TAS1R2: variants seen among roughly 807,000 people sequenced by gnomAD.
TAS1R2 encodes the protein taste receptor type 1 member 2.
TAS1R2 carries 47 observed loss-of-function variants against 49.3 expected under a neutral mutation model. The observed-to-expected ratio is 0.95, with a 90% CI of 0.75 to 1.22. The LOEUF (loss-of-function observed/expected upper bound fraction) is 1.22, where lower values mean the gene tolerates loss of function less well. TAS1R2 is among the 50% of genes most tolerant of loss of function. The probability of loss-of-function intolerance (pLI) is 0.00; values close to 1 mark genes in which losing one functional copy is unlikely to be tolerated. For synonymous variants in TAS1R2, 479 were observed against 467.9 expected, an observed-to-expected ratio of 1.02 and a Z score of -0.31; for missense variants, 1,155 against 1,122.1, an observed-to-expected ratio of 1.03 and a Z score of -0.42.
intron 1 of TAS1R2, chr1:18,858,212 TATC>T: frequency 7.1e-6 from 1 of 141,498 alleles, no homozygotes; most frequent in African/African-American, 2.7e-5. Flanking sequence ...GCACCATCAT[TATC>T]AGCATCACCA....
chr1:18,850,143 G>A (rs902206533), intron 3 of TAS1R2, among the ~76,000 whole-genome samples: 10 of 152,134 alleles, frequency 6.6e-5, no homozygotes, highest in Non-Finnish European at 1.3e-4. Context: ...ATCACTCTCA[G>A]TAGGCAGCAG....
At chr1:18,859,485 C>T (rs746288408) in exon 1 of TAS1R2, 28 of 1,613,950 alleles carry the variant, frequency 1.7e-5, no homozygotes, top group Non-Finnish European at 1.9e-5. Context: ...TCACTCCTTG[C>T]ACATGGGCAC....
rs752505410 is a variant in TAS1R2, at chr1:18,839,657, C to T, written c.2462G>A (p.Arg821His). Reference sequence around the variant, plus strand: ...GCTGTTGAAGTAGGCGGGCGTGTTGCGCTCCGGGTAGAAGAGGATCATGTA... The same window carrying T: ...GCTGTTGAAGTAGGCGGGCGTGTTGTGCTCCGGGTAGAAGAGGATCATGTA... Residue 821 changes from arginine (R) to histidine (H), a missense_variant, in exon 6 of 6, where the codon CGC becomes CAC. Physicochemically the swap from Arg to His is conservative, Grantham distance 29. Coordinates refer to ENST00000375371, the Ensembl canonical transcript of TAS1R2. 9.9e-6 allele frequency: 16 copies of T among 1,613,998 alleles called. No homozygotes were observed. The highest frequency in any genetic ancestry group is 2.7e-5 in the African/African-American group (2 of 74,896).
rs775030018 is a variant in TAS1R2 at position 18,854,911 on chromosome 1, C to T, written c.559G>A (p.Ala187Thr). Reference sequence around the variant, plus strand: ...ACCATGGCCTCGATGTGGTGGTCGGCGCTGGGTGTGGTACGCAGCAAAGCC... The same window carrying T: ...ACCATGGCCTCGATGTGGTGGTCGGTGCTGGGTGTGGTACGCAGCAAAGCC... The change falls in exon 3 of 6, where the codon GCC becomes ACC. Residue 187 changes from alanine to threonine, a missense_variant. Ala to Thr is a moderately conservative substitution (Grantham distance 58, BLOSUM62 0). Transcript: ENST00000375371. This position sits in a 1 kb window ranked among gnomAD's most constrained non-coding sequence, Gnocchi z 4.9. 20 of 1,613,376 alleles carry T rather than the reference C, an allele frequency of 1.2e-5. No individual in the cohort carries two copies. The highest frequency in any genetic ancestry group is 1.5e-5 in the Non-Finnish European group (18 of 1,179,732).
chr1:18,859,613 C>G (rs1166328219), exon 1 of TAS1R2: 2 of 1,614,198 alleles, frequency 1.2e-6, no homozygotes. Context: ...CAGCCAGGAC[C>G]CATAGGAGGA....
rs142043699 is a variant in TAS1R2, at chr1:18,854,453, G to A, written c.1017C>T (p.Arg339=). Residue 339 remains arginine (R), a synonymous_variant, in exon 3 of 6, where the codon CGC becomes CGT. Transcript: ENST00000375371. The surrounding 1 kb of genome is among the most constrained non-coding windows in gnomAD (Gnocchi z 4.9). ...GCGGCCCAGCCTGTGGGCCCCACTCGCGGAACTCACTGAAGCCCGGGATGG... is the reference window on the plus strand; with the variant it reads ...GCGGCCCAGCCTGTGGGCCCCACTCACGGAACTCACTGAAGCCCGGGATGG... 5.4e-5 allele frequency: 87 copies of A among 1,614,198 alleles called. No individual in the cohort carries two copies. The East Asian group carries it at 9.6e-4, about 18-fold the overall frequency.
intron 2 of TAS1R2, 92 bp from the exon 3 acceptor site, chr1:18,855,078 C>A: frequency 6.7e-7 from 1 of 1,501,850 alleles, no homozygotes; most frequent in Non-Finnish European, 9.0e-7. Flanking sequence ...ATCTGGGAAG[C>A]ACCTAGTGCA....
At chr1:18,853,553 AG>A (rs1934070070) in intron 3 of TAS1R2, among the ~76,000 whole-genome samples, 1 of 152,146 alleles carries the variant, frequency 6.6e-6, no homozygotes, top group South Asian at 2.1e-4. Context: ...AGGGGGCGAA[AG>A]GGGAGAACAA....
At chr1:18,846,947 GT>G (rs905272361) in intron 4 of TAS1R2, among the ~76,000 whole-genome samples, 4 of 152,190 alleles carry the variant, frequency 2.6e-5, no homozygotes, top group African/African-American at 9.7e-5. Context: ...AGATCTGGTC[GT>G]TTAAATGTGT....
At position 18,858,076 on chromosome 1, in the gene TAS1R2, C is replaced by A. The variant is rs192822676; in HGVS notation, c.183-445G>T. ...ACCGTCACCACCATCACTATCAGCA[C>A]GACCATTATCACAGCCATCATCACC... On this transcript the variant is annotated intron_variant, in intron 1 of 5. Transcript: ENST00000375371. Among the ~76,000 whole-genome samples, 14 of 151,856 alleles carry A rather than the reference C, an allele frequency of 9.2e-5. No homozygotes were observed. In the East Asian group the frequency reaches 2.7e-3, roughly 29 times the overall value.
chr1:18,858,415 T>C (rs1284088184), intron 1 of TAS1R2: 1 of 152,142 alleles, frequency 6.6e-6, no homozygotes, highest in African/African-American at 2.4e-5. Flanking sequence ...AGCATCACTA[T>C]CATCACCACC....
rs765343935 is a variant in TAS1R2, at chr1:18,839,786, G to T, written c.2333C>A (p.Thr778Asn). The change falls in exon 6 of 6, where the codon ACC (threonine) becomes AAC (asparagine). Residue 778 changes from threonine (T) to asparagine (N), a missense_variant. Transcript: ENST00000375371. ...CACCCCGCTGTAGGCAGACATGAAG[G>T]TGCAGAGGGAGACGGATGAGGTGAA... The T allele has an allele frequency of 7.4e-6, 12 of 1,614,104 alleles. No individual in the cohort carries two copies. The Admixed American group carries it at 2.0e-4, about 27-fold the overall frequency.
intron 1 of TAS1R2, among the ~76,000 whole-genome samples, chr1:18,858,760 C>T (rs1308524825): frequency 6.6e-6 from 1 of 152,176 alleles, no homozygotes; most frequent in Non-Finnish European, 1.5e-5. Flanking sequence ...ATGCCTGGTG[C>T]CATCACCTTC....
rs1456512206 is a variant in TAS1R2 at position 18,854,231 on chromosome 1, C to T, written c.1239G>A (p.Arg413=). The change falls in exon 3 of 6, where the codon AGG becomes AGA. Residue 413 remains arginine, a synonymous_variant. Coordinates refer to ENST00000375371, the Ensembl canonical transcript of TAS1R2. The surrounding 1 kb of genome is among the most constrained non-coding windows in gnomAD (Gnocchi z 4.9). ...CCCTCACCTGCCAGGGGTAGACCACCCTCTTGGTGCAGGTGCTTTTGTCAC... is the reference window on the plus strand; with the variant it reads ...CCCTCACCTGCCAGGGGTAGACCACTCTCTTGGTGCAGGTGCTTTTGTCAC... 6.2e-7 allele frequency: 1 copy of T among 1,613,352 alleles called. No individual in the cohort carries two copies. Among genetic ancestry groups the T allele is most frequent in the Non-Finnish European group, 8.5e-7 (1 of 1,179,508 alleles).
chr1:18,848,216 T>G (rs1042193290), intron 4 of TAS1R2, among the ~76,000 whole-genome samples: 3 of 152,118 alleles, frequency 2.0e-5, no homozygotes, highest in Non-Finnish European at 4.4e-5. Flanking sequence ...ACAGACTAGC[T>G]GTGTGGCCTC....
rs549094114 is a variant in TAS1R2, at chr1:18,854,566, C to T, written c.904G>A (p.Glu302Lys). The change falls in exon 3 of 6, where the codon GAG (glutamate) becomes AAG (lysine). Residue 302 changes from glutamate to lysine, a missense_variant. Glu to Lys is a moderately conservative substitution (Grantham distance 56, BLOSUM62 1). Transcript: ENST00000375371. The surrounding 1 kb of genome is among the most constrained non-coding windows in gnomAD (Gnocchi z 4.9). ...AGGACCGGGTCGATGGCCCAGGACT[C>T]GGAGGCGATCCACACGGCGCCAGTG... The T allele has an allele frequency of 1.8e-5, 29 of 1,613,904 alleles. No individual in the cohort carries two copies. The South Asian group carries it at 2.0e-4, about 11-fold the overall frequency.
intron 4 of TAS1R2, among the ~76,000 whole-genome samples, chr1:18,843,453 G>A (rs1933863443): frequency 6.6e-6 from 1 of 152,166 alleles, no homozygotes; most frequent in Non-Finnish European, 1.5e-5. Context: ...TGAAAGTATG[G>A]AACTTTATAA....
rs1394076261 is a variant in TAS1R2, at chr1:18,854,849, A to C, written c.621T>G (p.Ile207Met). Reference sequence around the variant, plus strand: ...CATAGGTGTCGCTGCTCACCAGCACAATGATCCAGTTCCAGCGGAAGTGCA... The same window carrying C: ...CATAGGTGTCGCTGCTCACCAGCACCATGATCCAGTTCCAGCGGAAGTGCA... The change falls in exon 3 of 6, where the codon ATT becomes ATG. Residue 207 changes from isoleucine to methionine, a missense_variant. Coordinates refer to ENST00000375371, the Ensembl canonical transcript of TAS1R2. The surrounding 1 kb of genome is among the most constrained non-coding windows in gnomAD (Gnocchi z 4.9). The C allele has an allele frequency of 1.2e-6, 2 of 1,610,418 alleles. No individual in the cohort carries two copies.
At chr1:18,851,892 T>C (rs1425311440) in intron 3 of TAS1R2, among the ~76,000 whole-genome samples, 2 of 152,320 alleles carry the variant, frequency 1.3e-5, no homozygotes, top group African/African-American at 2.4e-5. Context: ...TGTCACTTCT[T>C]TGAACCTCAG....
Sources: gnomAD v4.1 joint callset for allele counts (sites outside exome capture counted in the v4.1 genomes callset) on GRCh38, gnomAD v4.1.1 for gene constraint, Gnocchi (gnomAD v3.1) non-coding constraint, MANE v1.5 for transcripts, NCBI Gene and HGNC (gene_info 2026-07-23, HGNC 2026-07-21) for gene names.